Variants in RGS20 observed in about 807,000 individuals in gnomAD.
RGS20 encodes the protein regulator of G protein signaling 20, also known as gz-selective GTPase-activating protein.
A neutral mutation model predicts 33.6 loss-of-function variants in RGS20; 30 were observed. The ratio of observed to expected loss-of-function variants is 0.89; its 90% confidence interval spans 0.67 to 1.21. RGS20 has a LOEUF of 1.21. Among genes scored for constraint, RGS20 ranks in the 50% most tolerant of loss-of-function variants. The probability of loss-of-function intolerance (pLI) is 0.00; values close to 1 mark genes in which losing one functional copy is unlikely to be tolerated. For synonymous variants in RGS20, 208 were observed against 197.9 expected (o/e 1.05, Z -0.43); for missense variants, 472 against 502.4 (o/e 0.94, Z 0.58).
At position 53,860,556 on chromosome 8, in the gene RGS20, T is replaced by C. The variant is rs183054262; in HGVS notation, c.165+8492T>C. 7.9e-4 allele frequency among the ~76,000 whole-genome samples: 110 copies of C among 139,074 alleles called. 1 individual carries two copies. In the Middle Eastern group the frequency reaches 0.014, roughly 17 times the overall value. 91.2% of individuals were successfully genotyped at this position (139,074 alleles called of 152,430 possible). On this transcript the variant is annotated intron_variant, in intron 1 of 5. Coordinates refer to ENST00000297313, the MANE Select transcript of RGS20 (RefSeq NM_170587.4). Reference sequence around the variant, plus strand: ...GCCCAGGAACCTCAGACCAGGAATCTGTGGAAGATAGTTTAACACCAGCAA... The same window carrying C: ...GCCCAGGAACCTCAGACCAGGAATCCGTGGAAGATAGTTTAACACCAGCAA...
At chr8:53,903,336 CT>C (rs1813082653) in intron 2 of RGS20, among the ~76,000 whole-genome samples, 1 of 152,176 alleles carries the variant, frequency 6.6e-6, no homozygotes, top group Admixed American at 6.5e-5. Flanking sequence ...AACAATGAGG[CT>C]TACAACATTT....
intron 4 of RGS20, among the ~76,000 whole-genome samples, chr8:53,950,200 T>A (rs756520436): frequency 2.6e-5 from 4 of 152,144 alleles, no homozygotes; most frequent in Non-Finnish European, 4.4e-5. Context: ...AATAGAAGTT[T>A]TAAAAATCAA....
intron 1 of RGS20, among the ~76,000 whole-genome samples, chr8:53,856,289 G>A (rs948872815): frequency 1.3e-5 from 2 of 149,304 alleles, no homozygotes; most frequent in African/African-American, 4.9e-5. Flanking sequence ...GATCTCAGCT[G>A]ACTGCAACCT....
At chr8:53,915,904 A>T (rs1033361664) in intron 2 of RGS20, among the ~76,000 whole-genome samples, 13 of 152,310 alleles carry the variant, frequency 8.5e-5, no homozygotes, top group South Asian at 6.2e-4. Flanking sequence ...GACATATTTT[A>T]CCATATTTTA....
intron 2 of RGS20, among the ~76,000 whole-genome samples, chr8:53,890,893 G>T (rs767879220): frequency 4.5e-4 from 69 of 152,194 alleles, no homozygotes; most frequent in Non-Finnish European, 8.2e-4. Context: ...GTTCTTTCTT[G>T]TTCCTTGGGA....
chr8:53,897,667 C>G lies in RGS20; in HGVS notation c.510+18065C>G, dbSNP rs377059941. Reference sequence around the variant, plus strand: ...CTCATCATCCATCTTCTTTTTCATACGCCAACTTGAAGAAATTGGACCTGC... The same window carrying G: ...CTCATCATCCATCTTCTTTTTCATAGGCCAACTTGAAGAAATTGGACCTGC... On this transcript the variant is annotated intron_variant, in intron 2 of 5. Transcript: ENST00000297313. Among the ~76,000 whole-genome samples the G allele has an allele frequency of 5.9e-5, 9 of 152,260 alleles. 1 individual carries two copies. In the East Asian group the frequency reaches 1.2e-3, roughly 20 times the overall value.
intron 2 of RGS20, among the ~76,000 whole-genome samples, chr8:53,916,327 C>G (rs1459137370): frequency 6.6e-6 from 1 of 152,056 alleles, no homozygotes; most frequent in South Asian, 2.1e-4. Context: ...CAGCCTAAGA[C>G]CCATTTTTGC....
At chr8:53,949,659 G>C (rs1417107341) in intron 4 of RGS20, among the ~76,000 whole-genome samples, 5 of 151,622 alleles carry the variant, frequency 3.3e-5, no homozygotes, top group African/African-American at 7.3e-5. Context: ...AGAGGTTGCA[G>C]TGAGCCAAGA....
intron 2 of RGS20, among the ~76,000 whole-genome samples, chr8:53,920,276 G>A (rs1419701879): frequency 6.6e-6 from 1 of 151,844 alleles, no homozygotes; most frequent in Admixed American, 6.6e-5. Flanking sequence ...TTATTCTTTT[G>A]ATACTATATT....
chr8:53,916,751 G>A (rs764346396), intron 2 of RGS20, among the ~76,000 whole-genome samples: 61 of 152,226 alleles, frequency 4.0e-4, no homozygotes, highest in African/African-American at 1.2e-3. Flanking sequence ...TCCATAGGCC[G>A]GGTGGCTCAA....
chr8:53,958,570 A>G lies in RGS20; in HGVS notation c.*112A>G, dbSNP rs1434650083. ...CTTCTGCTGGAGTAATACTCAGGCT[A>G]TTCTAATAACAGATGATTCCTTCAA... On this transcript the variant is annotated 3_prime_UTR_variant, in exon 6 of 6. Transcript: ENST00000297313. 1 of 489,526 alleles carries G rather than the reference A, an allele frequency of 2.0e-6. No individual in the cohort carries two copies. The highest frequency in any genetic ancestry group is 2.0e-5 in the African/African-American group (1 of 49,948). 30.3% of individuals were successfully genotyped at this position (489,526 alleles called of 1,614,324 possible). A position where few individuals can be genotyped will look rare whatever the true frequency, so the allele number is the denominator to read the frequency against.
intron 3 of RGS20, chr8:53,945,409 CG>C (rs1814446986): frequency 6.6e-6 from 1 of 152,088 alleles, no homozygotes; most frequent in African/African-American, 2.4e-5. Flanking sequence ...AGACAGGAAG[CG>C]GATTCGTGCT....
chr8:53,862,632 C>A (rs1243277125), intron 1 of RGS20, among the ~76,000 whole-genome samples: 1 of 152,130 alleles, frequency 6.6e-6, no homozygotes, highest in African/African-American at 2.4e-5. Context: ...ATCCAGTCTC[C>A]ACAAGAAAAT....
intron 2 of RGS20, among the ~76,000 whole-genome samples, chr8:53,891,662 G>A (rs1259232780): frequency 4.6e-5 from 7 of 151,856 alleles, no homozygotes; most frequent in Non-Finnish European, 1.0e-4. Flanking sequence ...CATTTTTCTT[G>A]AATTAATTTT....
At chr8:53,885,878 A>G (rs1449154253) in intron 2 of RGS20, among the ~76,000 whole-genome samples, 2 of 146,784 alleles carry the variant, frequency 1.4e-5, no homozygotes, top group Non-Finnish European at 3.0e-5. Context: ...GATACTTACT[A>G]CATGTTCTTA....
chr8:53,942,965 C>T (rs1227027418), intron 3 of RGS20, among the ~76,000 whole-genome samples: 1 of 152,118 alleles, frequency 6.6e-6, no homozygotes, highest in African/African-American at 2.4e-5. Flanking sequence ...TACTGCACTC[C>T]AGCCTGGGCA....
At chr8:53,934,326 G>C (rs1324365786) in intron 2 of RGS20, among the ~76,000 whole-genome samples, 1 of 152,150 alleles carries the variant, frequency 6.6e-6, no homozygotes, top group African/African-American at 2.4e-5. Context: ...ATTGGCTAAA[G>C]GTCAAGACCC....
chr8:53,880,888 G>A (rs887520934), intron 2 of RGS20: 78 of 1,484,994 alleles, frequency 5.3e-5, no homozygotes, highest in Middle Eastern at 1.8e-4. Flanking sequence ...AGGGGAGGAA[G>A]AGGCCGGGAG....
chr8:53,953,000 C>G (rs1459261978), intron 4 of RGS20, among the ~76,000 whole-genome samples: 1 of 152,026 alleles, frequency 6.6e-6, no homozygotes, highest in Non-Finnish European at 1.5e-5. Flanking sequence ...TGTTCTGGTT[C>G]TTAAGGAAAA....
Sources: allele counts gnomAD v4.1 joint callset (sites outside exome capture counted in the v4.1 genomes callset), GRCh38; gene constraint gnomAD v4.1.1; transcripts MANE v1.5; gene names NCBI Gene and HGNC (gene_info 2026-07-23, HGNC 2026-07-21).